RASEF: variants seen among roughly 807,000 people sequenced by gnomAD.
RASEF encodes the protein RAS and EF-hand domain containing.
In RASEF, 68 loss-of-function variants were observed where a neutral mutation model predicts 90.1. That is an observed-to-expected ratio of 0.75 (90% confidence interval 0.62 to 0.92). The LOEUF (loss-of-function observed/expected upper bound fraction) is 0.92. Ranked by LOEUF, RASEF falls within the 40% of genes least tolerant of loss-of-function variation. The pLI, the probability that RASEF is intolerant of heterozygous loss-of-function variation, is 0.00. For synonymous variants in RASEF, 331 were observed against 345.2 expected, an observed-to-expected ratio of 0.96 and a Z score of 0.46; for missense variants, 949 against 937.2, an observed-to-expected ratio of 1.01 and a Z score of -0.16.
rs1829112601 is a variant in RASEF, at chr9:83,005,475, T to C, written c.1054A>G (p.Ser352Gly). The C allele has an allele frequency of 1.2e-6, 2 of 1,613,920 alleles. No individual in the cohort carries two copies. The highest frequency in any genetic ancestry group is 1.7e-5 in the Admixed American group (1 of 60,006). The change falls in exon 8 of 17, where the codon AGT (serine) becomes GGT (glycine). Residue 352 changes from serine to glycine, a missense_variant. Ser to Gly is a moderately conservative substitution (Grantham distance 56). Around this residue, in one of 3 missense-constraint regions of RASEF, gnomAD observed 656 missense variants for 592.2 expected, o/e 1.11. Coordinates refer to ENST00000376447, the MANE Select transcript of RASEF (RefSeq NM_152573.4). ...LQTANRKLHD[S>G]NDGLRSALEN... ...AGGGCACTTCTAAGGCCATCATTAC[T>C]GTCATGTAGCTTCCGGTTAGCTGTT...
chr9:83,151,952 C>A, the RASEF span, among the ~76,000 whole-genome samples: 72,932 of 151,952 alleles, frequency 0.48, 17,716 homozygotes, highest in East Asian at 0.66. Context: ...CCCCAAAACA[C>A]GGCGTCGCAA....
the RASEF span, among the ~76,000 whole-genome samples, chr9:83,117,588 A>C: frequency 1.1e-4 from 17 of 152,198 alleles, no homozygotes; most frequent in Admixed American, 1.1e-3. Context: ...CTTAAACCCC[A>C]GCCTGATAAG....
the RASEF span, among the ~76,000 whole-genome samples, chr9:83,130,768 C>G: frequency 6.2e-4 from 94 of 152,364 alleles, no homozygotes; most frequent in Non-Finnish European, 3.5e-4. Context: ...CCAACCCAGA[C>G]AGCTTACAAA....
At chr9:83,102,133 A>G in the RASEF span, among the ~76,000 whole-genome samples, 25 of 152,146 alleles carry the variant, frequency 1.6e-4, no homozygotes, top group Admixed American at 1.6e-3. Flanking sequence ...GCTGGAGTGC[A>G]TTGGCATGAT....
In RASEF at chr9:83,000,300, T is replaced by C. The variant is rs1829005976; in HGVS notation, c.1592A>G (p.Asp531Gly). Residue 531 changes from aspartate to glycine, a missense_variant, in exon 12 of 17, where the codon GAC becomes GGC. Physicochemically the swap from Asp to Gly is moderately conservative, Grantham distance 94. Around this residue, in one of 3 missense-constraint regions of RASEF, gnomAD observed 288 missense variants for 328.4 expected, o/e 0.88. Transcript: ENST00000376447. ...CTGTGAGCTAAAAGATTTAGCGTTG[T>C]CATCTACCAGGTCTGTCTGGGGGGA... ...ALSPQTDLVD[D>G]NAKSFSSQKA... 1.2e-6 allele frequency: 2 copies of C among 1,613,922 alleles called. No individual in the cohort carries two copies. The highest frequency in any genetic ancestry group is 1.7e-4 in the Middle Eastern group (1 of 6,058).
At chr9:83,157,411 G>C in the RASEF span, among the ~76,000 whole-genome samples, 1 of 152,076 alleles carries the variant, frequency 6.6e-6, no homozygotes, top group Admixed American at 6.6e-5. Context: ...TTACTGTAGG[G>C]ATGACTTTAT....
chr9:83,160,453 G>A, the RASEF span, among the ~76,000 whole-genome samples: 1 of 152,178 alleles, frequency 6.6e-6, no homozygotes, highest in Admixed American at 6.5e-5. Context: ...TTGAACTTGA[G>A]AGAGATGATT....
chr9:83,205,656 T>C, the RASEF span, among the ~76,000 whole-genome samples: 1 of 152,098 alleles, frequency 6.6e-6, no homozygotes, highest in Non-Finnish European at 1.5e-5. Context: ...TCCTCTGGAG[T>C]AGGCATCTCT....
the RASEF span, among the ~76,000 whole-genome samples, chr9:83,186,256 A>T: frequency 2.6e-5 from 4 of 152,190 alleles, no homozygotes; most frequent in African/African-American, 9.7e-5. Context: ...ACAAACACCC[A>T]GGAGTAAGCT....
the RASEF span, among the ~76,000 whole-genome samples, chr9:83,091,999 A>ATTTTTTTTTTTTTTTTTTTTTTT: frequency 2.3e-4 from 4 of 17,240 alleles, no homozygotes; most frequent in African/African-American, 7.2e-4. Context: ...TTTTTCTTTT[A>ATTTTTTTTTTTTTTTTTTTTTTT]TTTCTTTTTT....
intron 1 of RASEF, among the ~76,000 whole-genome samples, chr9:83,041,927 G>A (rs1829850740): frequency 6.6e-6 from 1 of 152,120 alleles, no homozygotes; most frequent in Non-Finnish European, 1.5e-5. Context: ...TGCCAACAGA[G>A]GCTGACCTCA....
intron 12 of RASEF, among the ~76,000 whole-genome samples, chr9:82,998,943 C>T (rs531881426): frequency 1.6e-4 from 25 of 152,122 alleles, no homozygotes; most frequent in Non-Finnish European, 2.9e-4. Flanking sequence ...TATATACACA[C>T]GTTAGTGCAC....
intron 5 of RASEF, among the ~76,000 whole-genome samples, chr9:83,010,265 C>G (rs1288004215): frequency 6.6e-6 from 1 of 152,136 alleles, no homozygotes; most frequent in Non-Finnish European, 1.5e-5. Context: ...ATATTGGAGA[C>G]ATTCGTTCAA....
the RASEF span, among the ~76,000 whole-genome samples, chr9:83,096,967 AT>A: frequency 6.6e-6 from 1 of 151,752 alleles, no homozygotes; most frequent in South Asian, 2.1e-4. Flanking sequence ...TGAACTCATC[AT>A]TTTTTATGGC....
chr9:83,186,911 T>C, the RASEF span, among the ~76,000 whole-genome samples: 2 of 152,192 alleles, frequency 1.3e-5, no homozygotes, highest in Non-Finnish European at 2.9e-5. Flanking sequence ...GGCCAATTCT[T>C]AGAGATAGCA....
intron 14 of RASEF, among the ~76,000 whole-genome samples, chr9:82,995,318 T>C (rs1165209529): frequency 2.0e-5 from 3 of 152,202 alleles, no homozygotes; most frequent in Non-Finnish European, 4.4e-5. Context: ...AGTTTTGCTG[T>C]GGATTTTAAA....
chr9:83,115,615 T>A, the RASEF span, among the ~76,000 whole-genome samples: 1 of 152,286 alleles, frequency 6.6e-6, no homozygotes, highest in Admixed American at 6.5e-5. Flanking sequence ...GAATCAAGAT[T>A]TTAATTTGCC....
the RASEF span, among the ~76,000 whole-genome samples, chr9:83,172,445 C>A: frequency 1.3e-5 from 2 of 151,516 alleles, no homozygotes; most frequent in African/African-American, 4.8e-5. Flanking sequence ...TGTATGTCTT[C>A]TCTTCCTTTC....
intron 1 of RASEF, 137 bp downstream of exon 1, chr9:83,062,300 G>T: frequency 2.5e-6 from 2 of 807,952 alleles, no homozygotes; most frequent in South Asian, 1.8e-5. Flanking sequence ...AAGTCAAAGC[G>T]AGTAGGTGAA....
Sources: gnomAD v4.1 joint callset for allele counts (sites outside exome capture counted in the v4.1 genomes callset) on GRCh38, gnomAD v4.1.1 for gene constraint, gnomAD v4.1.1 regional missense constraint, MANE v1.5 for transcripts, NCBI Gene and HGNC (gene_info 2026-07-23, HGNC 2026-07-21) for gene names.